The following TPO variants were observed in gnomAD, a reference collection of about 807,000 sequenced individuals.
TPO encodes the protein thyroid peroxidase.
Under a neutral mutation model 96.9 loss-of-function variants are expected in TPO, and 78 were observed. That is an observed-to-expected ratio of 0.81 (90% CI 0.67 to 0.97). The LOEUF (loss-of-function observed/expected upper bound fraction) is 0.97, where lower values mean the gene tolerates loss of function less well. Among genes scored for constraint, TPO ranks in the 50% least tolerant of loss-of-function variants. The probability of loss-of-function intolerance (pLI) is 0.00; values close to 1 mark genes in which losing one functional copy is unlikely to be tolerated. For synonymous variants in TPO, 547 were observed against 538.0 expected (o/e 1.02, Z -0.23); for missense variants, 1,252 against 1,274.8 (o/e 0.98, Z 0.27).
intron 2 of TPO, among the ~76,000 whole-genome samples, chr2:1,414,919 C>G (rs541076111): frequency 6.6e-6 from 1 of 152,378 alleles, no homozygotes; most frequent in Admixed American, 6.5e-5. Flanking sequence ...AGATCAAGCT[C>G]TTTGCTTTTC....
At chr2:1,377,762 C>CT (rs1335354757) in intron 1 of TPO, among the ~76,000 whole-genome samples, 1 of 152,174 alleles carries the variant, frequency 6.6e-6, no homozygotes, top group South Asian at 2.1e-4. Context: ...AGCCGCCCCT[C>CT]TGTACCTGGT....
intron 5 of TPO, chr2:1,438,835 G>A (rs1324775266): frequency 2.1e-5 from 15 of 713,954 alleles, no homozygotes; most frequent in Admixed American, 1.0e-4. Flanking sequence ...ATATAAGCCC[G>A]ACCATTCCGA....
intron 1 of TPO, among the ~76,000 whole-genome samples, chr2:1,404,737 T>C (rs1023817488): frequency 3.3e-5 from 5 of 152,204 alleles, no homozygotes; most frequent in African/African-American, 1.2e-4. Flanking sequence ...TGTGGTACTT[T>C]GTTATGGCAG....
chr2:1,497,940 G>A (rs1346214805), intron 13 of TPO, among the ~76,000 whole-genome samples: 2 of 148,352 alleles, frequency 1.3e-5, no homozygotes, highest in South Asian at 2.1e-4. Flanking sequence ...AGAATCCTCT[G>A]AGGCCAGGAG....
chr2:1,415,978 T>C (rs1229567723), intron 2 of TPO, among the ~76,000 whole-genome samples: 1 of 152,172 alleles, frequency 6.6e-6, no homozygotes, highest in African/African-American at 2.4e-5. Context: ...CTGCCCGCTC[T>C]GAGATCAGGG....
chr2:1,392,157 T>C (rs2148359708), intron 1 of TPO, among the ~76,000 whole-genome samples: 1 of 152,314 alleles, frequency 6.6e-6, no homozygotes, highest in African/African-American at 2.4e-5. Flanking sequence ...AAATAGCTCT[T>C]ATTATTTTGA....
At chr2:1,530,159 A>C (rs1196170812) in intron 15 of TPO, among the ~76,000 whole-genome samples, 3 of 68,754 alleles carry the variant, frequency 4.4e-5, no homozygotes, top group African/African-American at 7.3e-5. Flanking sequence ...ACTATGTGCA[A>C]CCTCCTCAAA....
chr2:1,527,964 T>C (rs1677015559), intron 15 of TPO, among the ~76,000 whole-genome samples: 1 of 83,308 alleles, frequency 1.2e-5, no homozygotes, highest in Non-Finnish European at 2.1e-5. Context: ...CCTCCTCAAA[T>C]ACCCCACTGC....
intron 14 of TPO, among the ~76,000 whole-genome samples, chr2:1,509,530 C>A (rs1304922524): frequency 2.7e-5 from 4 of 150,146 alleles, no homozygotes; most frequent in Non-Finnish European, 5.9e-5. Context: ...TTGTTTCAGG[C>A]ACAGGATACC....
intron 7 of TPO, among the ~76,000 whole-genome samples, chr2:1,476,613 A>G (rs1425700677): frequency 6.6e-6 from 1 of 152,236 alleles, no homozygotes; most frequent in African/African-American, 2.4e-5. Flanking sequence ...GTCAGAAAAT[A>G]AACCAGACCG....
intron 12 of TPO, among the ~76,000 whole-genome samples, 173 bp downstream of exon 12, chr2:1,496,370 C>T (rs954339525): frequency 6.6e-6 from 1 of 152,088 alleles, no homozygotes; most frequent in African/African-American, 2.4e-5. Context: ...CGGGGCCCTT[C>T]TCTAGTGAGA....
Position 1,506,640 on chromosome 2 carries a change from G to A in TPO, c.2518+2561G>A, listed in dbSNP as rs1352680040. 1.1e-4 allele frequency among the ~76,000 whole-genome samples: 16 copies of A among 152,218 alleles called. No homozygotes were observed. The East Asian group carries it at 2.9e-3, about 28-fold the overall frequency. On this transcript the variant is annotated intron_variant, in intron 14 of 16. Transcript: ENST00000329066. ...TGCATTTCTCTGATGGCCAGTGATG[G>A]TGAGCATTTTTTCATGTGTTTTTTG...
intron 8 of TPO, among the ~76,000 whole-genome samples, chr2:1,479,738 C>T (rs746340836): frequency 2.2e-4 from 34 of 152,130 alleles, no homozygotes; most frequent in South Asian, 1.0e-3. Context: ...TGCTGCTGCT[C>T]CTCCTTGTCC....
At chr2:1,509,867 C>A (rs1427053184) in intron 14 of TPO, among the ~76,000 whole-genome samples, 2 of 151,392 alleles carry the variant, frequency 1.3e-5, no homozygotes, top group African/African-American at 4.9e-5. Flanking sequence ...TTCAGGCACA[C>A]CCCACTCTCT....
chr2:1,480,558 C>CCACACACACACACACACACACACA (rs1277829491), intron 8 of TPO, among the ~76,000 whole-genome samples: 2 of 35,346 alleles, frequency 5.7e-5, no homozygotes, highest in African/African-American at 1.5e-4. Flanking sequence ...CTCAAACCCC[C>CCACACACACACACACACACACACA]TACACACACA....
chr2:1,495,662 T>TGCAC (rs1176117788), intron 11 of TPO, among the ~76,000 whole-genome samples: 1 of 152,354 alleles, frequency 6.6e-6, no homozygotes, highest in East Asian at 1.9e-4. Context: ...GTGCACGCTG[T>TGCAC]GCTGCCCCTC....
chr2:1,476,488 C>T (rs1221599574), intron 7 of TPO, among the ~76,000 whole-genome samples: 1 of 152,260 alleles, frequency 6.6e-6, no homozygotes, highest in Non-Finnish European at 1.5e-5. Flanking sequence ...CCTCACTCCC[C>T]TCAAGCTGCC....
chr2:1,470,887 A>T (rs534885744), intron 7 of TPO, among the ~76,000 whole-genome samples: 2 of 152,176 alleles, frequency 1.3e-5, no homozygotes, highest in Non-Finnish European at 2.9e-5. Context: ...CTTCCACTTC[A>T]CTTCATTATT....
At chr2:1,434,042 C>G (rs1337479689) in intron 4 of TPO, among the ~76,000 whole-genome samples, 2 of 152,120 alleles carry the variant, frequency 1.3e-5, no homozygotes, top group Non-Finnish European at 1.5e-5. Flanking sequence ...GCAGAACTAC[C>G]CAGGACATTT....
Sources: allele counts gnomAD v4.1 joint callset (sites outside exome capture counted in the v4.1 genomes callset), GRCh38; gene constraint gnomAD v4.1.1; transcripts MANE v1.5; gene names NCBI Gene and HGNC (gene_info 2026-07-23, HGNC 2026-07-21).